The following NRXN3 variants were observed in gnomAD, a reference collection of about 807,000 sequenced individuals.
The protein encoded by NRXN3 is neurexin 3.
A neutral mutation model predicts 137.6 loss-of-function variants in NRXN3; 32 were observed. The observed-to-expected ratio is 0.23, with a 90% confidence interval of 0.18 to 0.31. The LOEUF is 0.31. NRXN3 is among the 10% of genes least tolerant of loss of function. The pLI is 1.00. For synonymous variants in NRXN3, 798 were observed against 784.5 expected, an observed-to-expected ratio of 1.02 and a Z score of -0.29; for missense variants, 1,574 against 2,062.5, an observed-to-expected ratio of 0.76 and a Z score of 4.59.
At chr14:79,569,602 CGT>C (rs3061386) in intron 16 of NRXN3, among the ~76,000 whole-genome samples, 11,128 of 145,416 alleles carry the variant, frequency 0.077, 413 homozygotes, top group Middle Eastern at 0.14. Flanking sequence ...GAATGAGCAA[CGT>C]GTGTGTGTGT....
chr14:79,739,225 A>T (rs1290419813), intron 19 of NRXN3, among the ~76,000 whole-genome samples: 2 of 152,220 alleles, frequency 1.3e-5, no homozygotes, highest in African/African-American at 2.4e-5. Context: ...ATCCAAAGTC[A>T]TAGCCTGGAG....
chr14:78,401,962 C>G (rs181790583), intron 4 of NRXN3, among the ~76,000 whole-genome samples: 1 of 152,298 alleles, frequency 6.6e-6, no homozygotes, highest in East Asian at 1.9e-4. Context: ...CAATGTTGTA[C>G]AGCTTTAAAA....
At chr14:78,869,948 G>C (rs1379393535) in intron 10 of NRXN3, among the ~76,000 whole-genome samples, 1 of 152,152 alleles carries the variant, frequency 6.6e-6, no homozygotes, top group African/African-American at 2.4e-5. Context: ...ACAGAGTAGA[G>C]GTCAGCAGAC....
At chr14:79,241,935 C>A (rs2074368277) in intron 15 of NRXN3, among the ~76,000 whole-genome samples, 1 of 151,914 alleles carries the variant, frequency 6.6e-6, no homozygotes. Flanking sequence ...GGCGTGGTGG[C>A]AGGTGACTAT....
chr14:79,422,618 A>G (rs1279138336), intron 15 of NRXN3, among the ~76,000 whole-genome samples: 2 of 152,126 alleles, frequency 1.3e-5, no homozygotes, highest in Non-Finnish European at 2.9e-5. Context: ...TTTGAAAAAT[A>G]AAGTAAGTCC....
At chr14:78,549,014 C>G (rs1289397198) in intron 4 of NRXN3, among the ~76,000 whole-genome samples, 2 of 152,252 alleles carry the variant, frequency 1.3e-5, no homozygotes, top group African/African-American at 4.8e-5. Context: ...AGGACTCTCA[C>G]TTCCCAGACT....
At position 78,645,301 on chromosome 14, in the gene NRXN3, T is replaced by C; in HGVS notation, c.939T>C (p.Gly313=). The part of the protein sequence containing the change: ...ADYVNLALKD[G]AVSLVINLGS... ...ATGTCAACCTGGCTCTGAAGGATGG[T>C]GCGGTCTCCTTGGTCATTAACCTGG... The change falls in exon 5 of 21, where the codon GGT becomes GGC. Residue 313 remains glycine (G), a synonymous_variant. Transcript: ENST00000335750. 6.3e-7 allele frequency: 1 copy of C among 1,598,836 alleles called. No individual in the cohort carries two copies. The highest frequency in any genetic ancestry group is 8.5e-7 in the Non-Finnish European group (1 of 1,179,762).
At chr14:79,319,890 T>C (rs904931089) in intron 15 of NRXN3, among the ~76,000 whole-genome samples, 6 of 152,190 alleles carry the variant, frequency 3.9e-5, no homozygotes, top group Admixed American at 3.9e-4. Context: ...GGCAGGATTC[T>C]GTCTGGTTAG....
intron 4 of NRXN3, among the ~76,000 whole-genome samples, chr14:78,468,368 G>T (rs1359331362): frequency 6.6e-6 from 1 of 152,184 alleles, no homozygotes; most frequent in Non-Finnish European, 1.5e-5. Context: ...TGTTGGCTTT[G>T]CTGATGTGGC....
chr14:78,619,893 C>T (rs759311636), intron 4 of NRXN3, among the ~76,000 whole-genome samples: 24 of 152,044 alleles, frequency 1.6e-4, no homozygotes, highest in Non-Finnish European at 3.5e-4. Context: ...CCCTTTTTCT[C>T]GGCCATGTGA....
chr14:79,133,783 G>T (rs1446814879), intron 15 of NRXN3, among the ~76,000 whole-genome samples: 1 of 151,804 alleles, frequency 6.6e-6, no homozygotes, highest in Non-Finnish European at 1.5e-5. Flanking sequence ...AAAAAAATTA[G>T]GTGGGCGTGG....
chr14:78,495,061 C>G (rs144022188), intron 4 of NRXN3, among the ~76,000 whole-genome samples: 1 of 150,850 alleles, frequency 6.6e-6, no homozygotes, highest in Non-Finnish European at 1.5e-5. Context: ...CCCTGGTGTA[C>G]CCTGGGGAAA....
chr14:78,250,083 C>G (rs1394896941), intron 2 of NRXN3: 1 of 516,736 alleles, frequency 1.9e-6, no homozygotes, highest in African/African-American at 1.9e-5. Flanking sequence ...GATTATGATT[C>G]TCATTTTTTT....
chr14:78,539,901 A>G (rs2153818860), intron 4 of NRXN3, among the ~76,000 whole-genome samples: 1 of 152,256 alleles, frequency 6.6e-6, no homozygotes, highest in Non-Finnish European at 1.5e-5. Context: ...TTCAGTTTCC[A>G]TGTAGTTGAG....
At chr14:78,687,927 A>G (rs1479550354) in intron 6 of NRXN3, among the ~76,000 whole-genome samples, 1 of 152,220 alleles carries the variant, frequency 6.6e-6, no homozygotes, top group African/African-American at 2.4e-5. Context: ...CAATGACTCT[A>G]TAGTATCTTC....
chr14:78,990,361 ATTT>A (rs1163720240), intron 15 of NRXN3, among the ~76,000 whole-genome samples: 5 of 76,060 alleles, frequency 6.6e-5, no homozygotes, highest in African/African-American at 1.6e-4. Flanking sequence ...GTTCACATCT[ATTT>A]TTTTTTTTTT....
intron 15 of NRXN3, among the ~76,000 whole-genome samples, chr14:79,049,002 G>T (rs2099637285): frequency 2.8e-5 from 3 of 106,194 alleles, no homozygotes; most frequent in African/African-American, 1.1e-4. Context: ...CAGCCTGGGC[G>T]ACAGAGCGAA....
intron 20 of NRXN3, among the ~76,000 whole-genome samples, chr14:79,814,154 TTTA>T (rs1197938536): frequency 2.0e-5 from 3 of 152,224 alleles, no homozygotes; most frequent in African/African-American, 7.2e-5. Flanking sequence ...GGTCCTTGTT[TTTA>T]TTATTATTTC....
intron 4 of NRXN3, among the ~76,000 whole-genome samples, chr14:78,475,067 A>C (rs191486150): frequency 6.6e-6 from 1 of 152,316 alleles, no homozygotes; most frequent in Admixed American, 6.5e-5. Context: ...TATTGACTTC[A>C]TATCTATTTA....
Sources: gnomAD v4.1 joint callset for allele counts (sites outside exome capture counted in the v4.1 genomes callset) on GRCh38, gnomAD v4.1.1 for gene constraint, MANE v1.5 for transcripts, NCBI Gene and HGNC (gene_info 2026-07-23, HGNC 2026-07-21) for gene names.